The following STON2 variants were observed in gnomAD, a reference collection of about 807,000 sequenced individuals.
STON2 encodes the protein stonin-2.
In STON2, 29 loss-of-function variants were observed where a neutral mutation model predicts 65.7. That is an observed-to-expected ratio of 0.44 (90% CI 0.33 to 0.60). STON2 has a LOEUF of 0.60. STON2 is among the 20% of genes least tolerant of loss of function. The pLI is 0.03. For synonymous variants in STON2, 404 were observed against 414.2 expected, an observed-to-expected ratio of 0.98 and a Z score of 0.30; for missense variants, 1,054 against 1,118.1, an observed-to-expected ratio of 0.94 and a Z score of 0.82.
At chr14:81,390,474 T>G (rs772820999) in intron 3 of STON2, among the ~76,000 whole-genome samples, 1 of 152,006 alleles carries the variant, frequency 6.6e-6, no homozygotes, top group African/African-American at 2.4e-5. Flanking sequence ...CACACTGACA[T>G]GCACACATCT....
At chr14:81,310,203 T>C (rs1045381977) in intron 5 of STON2, among the ~76,000 whole-genome samples, 2 of 152,194 alleles carry the variant, frequency 1.3e-5, no homozygotes, top group African/African-American at 4.8e-5. Flanking sequence ...ACACTGCTTT[T>C]GATAAGACAC....
intron 2 of STON2, among the ~76,000 whole-genome samples, chr14:81,420,470 A>T (rs10147793): frequency 0.21 from 31,645 of 152,042 alleles, 4,962 homozygotes; most frequent in African/African-American, 0.42. Context: ...ATTGCTAGGG[A>T]TGTTCTTGTG....
intron 3 of STON2, among the ~76,000 whole-genome samples, chr14:81,372,827 A>C (rs1899067665): frequency 6.6e-6 from 1 of 152,136 alleles, no homozygotes; most frequent in South Asian, 2.1e-4. Flanking sequence ...AACCAAAACA[A>C]ATAGAAAAAG....
chr14:81,382,040 A>C (rs1344791583), intron 3 of STON2, among the ~76,000 whole-genome samples: 3 of 152,130 alleles, frequency 2.0e-5, no homozygotes, highest in Non-Finnish European at 4.4e-5. Context: ...CAACACAGTG[A>C]AACCCCATCT....
chr14:81,377,041 T>C (rs1017414950), intron 3 of STON2, among the ~76,000 whole-genome samples: 3 of 152,206 alleles, frequency 2.0e-5, no homozygotes, highest in African/African-American at 7.2e-5. Context: ...TCTAGTTCTA[T>C]GCAATGTTAT....
chr14:81,406,621 ACC>A (rs1900874949), intron 2 of STON2, among the ~76,000 whole-genome samples: 1 of 152,086 alleles, frequency 6.6e-6, no homozygotes, highest in Non-Finnish European at 1.5e-5. Flanking sequence ...CATGATCCTT[ACC>A]CCTAAGACAC....
chr14:81,265,217 A>G lies in STON2; in HGVS notation c.*3197T>C. On this transcript the variant is annotated 3_prime_UTR_variant, in exon 8 of 8. Coordinates refer to ENST00000614646, the MANE Select transcript of STON2 (RefSeq NM_001394390.1). The stretch of plus-strand genomic sequence containing the variant: ...TTGTATTTTCTTTAGAAGTTATTTA[A>G]ACCTAGTAAAACACTCATTACGTCT... 1.0e-6 allele frequency: 1 copy of G among 984,140 alleles called. No homozygotes were observed. Among genetic ancestry groups the G allele is most frequent in the African/African-American group, 1.7e-5 (1 of 57,326 alleles). 61.0% of individuals were successfully genotyped at this position (984,140 alleles called of 1,614,324 possible).
chr14:81,376,101 A>G (rs1257374814), intron 3 of STON2, among the ~76,000 whole-genome samples: 1 of 151,936 alleles, frequency 6.6e-6, no homozygotes, highest in Non-Finnish European at 1.5e-5. Flanking sequence ...AGACAAATGA[A>G]ACTTCATACA....
At chr14:81,368,107 T>A (rs1219992166) in intron 4 of STON2, among the ~76,000 whole-genome samples, 1 of 152,222 alleles carries the variant, frequency 6.6e-6, no homozygotes. Flanking sequence ...AATATGTATA[T>A]ATGCTTGTAT....
chr14:81,346,314 T>C (rs1897807928), intron 4 of STON2, among the ~76,000 whole-genome samples: 1 of 152,122 alleles, frequency 6.6e-6, no homozygotes, highest in Non-Finnish European at 1.5e-5. Context: ...TAAAGAAGAA[T>C]GTCAGCACAA....
chr14:81,299,898 T>A (rs796543754), intron 5 of STON2, among the ~76,000 whole-genome samples: 3 of 151,308 alleles, frequency 2.0e-5, no homozygotes, highest in Non-Finnish European at 4.4e-5. Context: ...TTTTTTTTTT[T>A]AAATTGATCT....
chr14:81,292,165 G>C (rs186643629), intron 5 of STON2, among the ~76,000 whole-genome samples: 4 of 152,220 alleles, frequency 2.6e-5, no homozygotes, highest in Non-Finnish European at 5.9e-5. Flanking sequence ...TTTATTTCTA[G>C]AAAGTCTTAA....
Position 81,277,187 on chromosome 14 carries a change from C to G in STON2, c.2295G>C (p.Arg765Ser). 6.2e-7 allele frequency: 1 copy of G among 1,614,228 alleles called. No homozygotes were observed. The highest frequency in any genetic ancestry group is 1.7e-5 in the Admixed American group (1 of 60,024). ...GAEVEVQSWL[R>S]MSTGFSANRD... is the part of the protein sequence containing the mutation. ...GATTGGCGGAGAAGCCAGTTGACAT[C>G]CTCAGCCAGCTCTGCACCTCCACCT... The change falls in exon 6 of 8, where the codon AGG (arginine) becomes AGC (serine). Residue 765 changes from arginine to serine, a missense_variant. Physicochemically the swap from Arg to Ser is moderately radical, Grantham distance 110. Coordinates refer to ENST00000614646, the MANE Select transcript of STON2 (RefSeq NM_001394390.1).
At chr14:81,378,660 G>A (rs984315582) in intron 3 of STON2, among the ~76,000 whole-genome samples, 6 of 151,946 alleles carry the variant, frequency 3.9e-5, no homozygotes, top group Non-Finnish European at 8.8e-5. Flanking sequence ...CTTTTGTACT[G>A]TATATATATA....
chr14:81,429,806 G>A (rs929000024), intron 1 of STON2, among the ~76,000 whole-genome samples: 4 of 151,898 alleles, frequency 2.6e-5, no homozygotes, highest in African/African-American at 9.7e-5. Flanking sequence ...GTGATGGTGG[G>A]CGCCTGTAAT....
At chr14:81,335,886 GAT>G (rs911945295) in intron 4 of STON2, among the ~76,000 whole-genome samples, 5 of 152,112 alleles carry the variant, frequency 3.3e-5, no homozygotes, top group East Asian at 1.9e-4. Flanking sequence ...GAGACAGACA[GAT>G]ATACACACAA....
At chr14:81,291,053 G>A (rs1595300933) in intron 5 of STON2, among the ~76,000 whole-genome samples, 1 of 152,144 alleles carries the variant, frequency 6.6e-6, no homozygotes, top group Non-Finnish European at 1.5e-5. Flanking sequence ...AGGAAGTAGG[G>A]AGGGAAAATG....
chr14:81,276,800 T>C (rs1161827752), intron 6 of STON2, 101 bp downstream of exon 6: 29 of 1,406,396 alleles, frequency 2.1e-5, no homozygotes, highest in Non-Finnish European at 2.7e-5. Context: ...ACCACTCCCA[T>C]CACACAGCAA....
At chr14:81,299,887 T>A (rs1189715047) in intron 5 of STON2, among the ~76,000 whole-genome samples, 15 of 150,930 alleles carry the variant, frequency 9.9e-5, no homozygotes, top group Non-Finnish European at 1.6e-4. Flanking sequence ...AAAAAAAATT[T>A]TTTTTTTTTT....
Sources: allele counts gnomAD v4.1 joint callset (sites outside exome capture counted in the v4.1 genomes callset), GRCh38; gene constraint gnomAD v4.1.1; transcripts MANE v1.5; gene names NCBI Gene and HGNC (gene_info 2026-07-23, HGNC 2026-07-21).